The following LRRTM4 variants were observed in gnomAD, a reference collection of about 807,000 sequenced individuals.
LRRTM4 encodes leucine-rich repeat transmembrane neuronal protein 4.
Under a neutral mutation model 47.6 loss-of-function variants are expected in LRRTM4, and 25 were observed. The observed-to-expected ratio is 0.53, with a 90% CI of 0.38 to 0.73. The LOEUF (loss-of-function observed/expected upper bound fraction) is 0.73, where lower values mean the gene tolerates loss of function less well. Among genes scored for constraint, LRRTM4 ranks in the 30% least tolerant of loss-of-function variants. The pLI is 0.00. For synonymous variants in LRRTM4, 311 were observed against 269.5 expected (o/e 1.15, Z -1.51); for missense variants, 638 against 713.4 (o/e 0.89, Z 1.20).
At chr2:77,324,511 T>C (rs990872549) in intron 3 of LRRTM4, among the ~76,000 whole-genome samples, 17 of 150,862 alleles carry the variant, frequency 1.1e-4, no homozygotes, top group Admixed American at 9.2e-4. Context: ...TTCTAGATTT[T>C]TTTTAATCCA....
rs533987859 is a variant in LRRTM4 at position 76,774,479 on chromosome 2, C to T, written c.1552-25563G>A. ...TGCTGGGATTACAGGCATGAGCCAC[C>T]GTGCCCAGCCAATAAAAGAGAACAT... On this transcript the variant is annotated intron_variant, in intron 3 of 3. Transcript: ENST00000409884. Among the ~76,000 whole-genome samples the T allele has an allele frequency of 1.6e-4, 24 of 151,954 alleles. 1 individual carries two copies. The highest frequency in any genetic ancestry group is 5.8e-4 in the East Asian group (3 of 5,166).
chr2:77,416,346 G>T (rs763381602), intron 3 of LRRTM4, among the ~76,000 whole-genome samples: 4 of 151,948 alleles, frequency 2.6e-5, no homozygotes, highest in Non-Finnish European at 4.4e-5. Flanking sequence ...GGGACATTTT[G>T]CAACAAATAT....
intron 3 of LRRTM4, among the ~76,000 whole-genome samples, chr2:76,967,404 ATCTT>A (rs543903379): frequency 1.0e-3 from 159 of 151,648 alleles, no homozygotes; most frequent in African/African-American, 3.7e-3. Context: ...ATTGGAGTAG[ATCTT>A]TCTGTGTTGC....
chr2:77,373,088 A>ATATAT (rs1553435845), intron 3 of LRRTM4, among the ~76,000 whole-genome samples: 35 of 140,356 alleles, frequency 2.5e-4, no homozygotes, highest in African/African-American at 7.6e-4. Flanking sequence ...TTAAAAAAAA[A>ATATAT]ATATATATAT....
At chr2:76,772,261 CAGATCAG>C (rs1384888880) in intron 3 of LRRTM4, among the ~76,000 whole-genome samples, 1 of 152,116 alleles carries the variant, frequency 6.6e-6, no homozygotes, top group Admixed American at 6.6e-5. Context: ...GGGAGGACAT[CAGATCAG>C]CCACCATTTC....
intron 3 of LRRTM4, among the ~76,000 whole-genome samples, chr2:77,513,792 T>C (rs1245518604): frequency 2.6e-5 from 4 of 151,952 alleles, no homozygotes; most frequent in African/African-American, 9.7e-5. Flanking sequence ...TCTAAAACTC[T>C]TGACCTCAAG....
At chr2:76,936,136 C>A (rs1674937464) in intron 3 of LRRTM4, among the ~76,000 whole-genome samples, 1 of 152,090 alleles carries the variant, frequency 6.6e-6, no homozygotes, top group South Asian at 2.1e-4. Context: ...GAAACATGCT[C>A]ACGTATGTTT....
chr2:77,420,244 T>C (rs931098043), intron 3 of LRRTM4, among the ~76,000 whole-genome samples: 2 of 152,150 alleles, frequency 1.3e-5, no homozygotes, highest in Non-Finnish European at 2.9e-5. Flanking sequence ...ACAGAACACA[T>C]GGATTACCTC....
At chr2:76,863,924 A>AATCTTAC (rs1672392400) in intron 3 of LRRTM4, among the ~76,000 whole-genome samples, 2 of 152,186 alleles carry the variant, frequency 1.3e-5, no homozygotes, top group Admixed American at 6.5e-5. Flanking sequence ...AATAAATGTT[A>AATCTTAC]ATCTTACACA....
intron 3 of LRRTM4, among the ~76,000 whole-genome samples, chr2:76,901,091 G>C (rs1396423682): frequency 6.6e-6 from 1 of 151,996 alleles, no homozygotes; most frequent in Non-Finnish European, 1.5e-5. Context: ...GGATGCGCAG[G>C]TTTGTTACAT....
At chr2:76,788,184 A>G (rs1308745376) in intron 3 of LRRTM4, among the ~76,000 whole-genome samples, 3 of 152,154 alleles carry the variant, frequency 2.0e-5, no homozygotes, top group Non-Finnish European at 2.9e-5. Context: ...TTCCAGTAGA[A>G]TGTGTTAACA....
At chr2:77,183,429 C>A (rs1171193670) in intron 3 of LRRTM4, among the ~76,000 whole-genome samples, 4 of 152,218 alleles carry the variant, frequency 2.6e-5, no homozygotes, top group Admixed American at 1.3e-4. Context: ...AGTCAGGAAA[C>A]AACAGGTGCT....
At chr2:77,112,091 T>TA (rs1198069933) in intron 3 of LRRTM4, among the ~76,000 whole-genome samples, 5 of 152,270 alleles carry the variant, frequency 3.3e-5, no homozygotes, top group African/African-American at 1.2e-4. Flanking sequence ...GGAGGATGGA[T>TA]AATAGAGGAG....
intron 3 of LRRTM4, among the ~76,000 whole-genome samples, chr2:77,158,888 T>C (rs1388171327): frequency 6.6e-6 from 1 of 151,946 alleles, no homozygotes; most frequent in Non-Finnish European, 1.5e-5. Flanking sequence ...ATTAATTACA[T>C]ACGATATAAC....
chr2:77,137,400 A>C (rs984323535), intron 3 of LRRTM4, among the ~76,000 whole-genome samples: 12 of 151,874 alleles, frequency 7.9e-5, no homozygotes, highest in African/African-American at 1.2e-4. Flanking sequence ...GGAGAAATAA[A>C]ATCCTTTACA....
At chr2:76,807,471 C>CATATACATATACACACAT in intron 3 of LRRTM4, among the ~76,000 whole-genome samples, 1 of 97,456 alleles carries the variant, frequency 1.0e-5, no homozygotes, top group East Asian at 3.2e-4. Context: ...TATATATATA[C>CATATACATATACACACAT]ATATATATAT....
At chr2:76,977,461 T>C (rs1274663816) in intron 3 of LRRTM4, among the ~76,000 whole-genome samples, 2 of 151,912 alleles carry the variant, frequency 1.3e-5, no homozygotes, top group South Asian at 2.1e-4. Context: ...ATTACAAATG[T>C]TGATTTGTTC....
chr2:77,010,611 T>A (rs1308548327), intron 3 of LRRTM4, among the ~76,000 whole-genome samples: 1 of 151,502 alleles, frequency 6.6e-6, no homozygotes, highest in Non-Finnish European at 1.5e-5. Flanking sequence ...TTGTGAACAA[T>A]GCTGCAATGA....
intron 3 of LRRTM4, among the ~76,000 whole-genome samples, chr2:77,432,009 G>A (rs1383748684): frequency 6.6e-6 from 1 of 152,150 alleles, no homozygotes; most frequent in Non-Finnish European, 1.5e-5. Context: ...GGGAGGCAGA[G>A]GTTGCAGTGA....
Sources: allele counts gnomAD v4.1 joint callset (sites outside exome capture counted in the v4.1 genomes callset), GRCh38; gene constraint gnomAD v4.1.1; transcripts MANE v1.5; gene names NCBI Gene and HGNC (gene_info 2026-07-23, HGNC 2026-07-21).